The following SNTB1 variants were observed in gnomAD, a reference collection of about 807,000 sequenced individuals.
SNTB1 encodes beta-1-syntrophin.
A neutral mutation model predicts 48.9 loss-of-function variants in SNTB1; 36 were observed. That is an observed-to-expected ratio of 0.74 (90% CI 0.56 to 0.97). The LOEUF is 0.97. SNTB1 is among the 50% of genes least tolerant of loss of function. SNTB1 has a pLI of 0.00. For missense variants in SNTB1, 786 were observed against 703.4 expected (o/e 1.12, Z -1.33); for synonymous variants, 299 against 294.6 (o/e 1.01, Z -0.15).
At chr8:120,663,572 G>T (rs1817626455) in intron 2 of SNTB1, among the ~76,000 whole-genome samples, 1 of 152,152 alleles carries the variant, frequency 6.6e-6, no homozygotes, top group Admixed American at 6.5e-5. Context: ...CTCCCAAAGT[G>T]CTGGGATTAC....
intron 1 of SNTB1, among the ~76,000 whole-genome samples, chr8:120,738,719 A>G (rs969712678): frequency 3.9e-5 from 6 of 152,202 alleles, no homozygotes; most frequent in Non-Finnish European, 7.3e-5. Context: ...AAATGCACAT[A>G]AAAGTCCTAT....
At chr8:120,778,208 C>G (rs978353103) in intron 1 of SNTB1, among the ~76,000 whole-genome samples, 2 of 152,226 alleles carry the variant, frequency 1.3e-5, no homozygotes, top group African/African-American at 4.8e-5. Context: ...TGTCTCCTTC[C>G]TGTTCCCAGG....
intron 4 of SNTB1, among the ~76,000 whole-genome samples, chr8:120,573,612 AGGCCAAT>A (rs1815893763): frequency 6.6e-6 from 1 of 152,182 alleles, no homozygotes; most frequent in Admixed American, 6.5e-5. Flanking sequence ...ATCATTGCCA[AGGCCAAT>A]GTCAAGAATA....
intron 2 of SNTB1, among the ~76,000 whole-genome samples, chr8:120,687,463 G>C (rs576572826): frequency 6.6e-6 from 1 of 152,162 alleles, no homozygotes; most frequent in Non-Finnish European, 1.5e-5. Context: ...TCAAAGGAGT[G>C]GGAGTGTTGG....
chr8:120,721,090 CAGT>C (rs1222475823), intron 1 of SNTB1, among the ~76,000 whole-genome samples: 1 of 152,150 alleles, frequency 6.6e-6, no homozygotes, highest in Non-Finnish European at 1.5e-5. Context: ...AAAGCTAAAT[CAGT>C]GATTTCCTAG....
intron 1 of SNTB1, among the ~76,000 whole-genome samples, chr8:120,742,426 A>G (rs956818218): frequency 2.6e-5 from 4 of 152,232 alleles, no homozygotes; most frequent in Non-Finnish European, 5.9e-5. Flanking sequence ...GATGTAAGCA[A>G]CTGAAAGCAT....
chr8:120,645,122 A>G (rs1189937798), intron 2 of SNTB1, among the ~76,000 whole-genome samples: 1 of 150,194 alleles, frequency 6.7e-6, no homozygotes, highest in Non-Finnish European at 1.5e-5. Flanking sequence ...TTGCCTGTTC[A>G]CTCTGATGGT....
intron 1 of SNTB1, among the ~76,000 whole-genome samples, chr8:120,706,273 C>G (rs1159920103): frequency 6.6e-6 from 1 of 152,086 alleles, no homozygotes; most frequent in Non-Finnish European, 1.5e-5. Flanking sequence ...TCATTCATTT[C>G]TTGCGCATAA....
chr8:120,786,594 AG>A (rs1377515711), intron 1 of SNTB1, among the ~76,000 whole-genome samples: 8 of 152,130 alleles, frequency 5.3e-5, no homozygotes, highest in Non-Finnish European at 7.4e-5. Flanking sequence ...CTTGCATGAG[AG>A]GTAGAGTCAC....
chr8:120,805,172 C>G (rs1325996311), intron 1 of SNTB1, among the ~76,000 whole-genome samples: 1 of 152,146 alleles, frequency 6.6e-6, no homozygotes, highest in Admixed American at 6.5e-5. Flanking sequence ...CTACCCAGGA[C>G]ATTTCTTACC....
rs189245285 is a variant in SNTB1, at chr8:120,703,945, C to G, written c.572-10037G>C. ...TACCTTATAAGAAAGAAAATTGTGG[C>G]ATGGAGAACTGAAGTGACTTGCCCA... On this transcript the variant is annotated intron_variant, in intron 1 of 6. Coordinates refer to ENST00000517992, the MANE Select transcript of SNTB1 (RefSeq NM_021021.4). 3.8e-3 allele frequency among the ~76,000 whole-genome samples: 580 copies of G among 152,314 alleles called. 2 individuals carry two copies. Among genetic ancestry groups the G allele is most frequent in the Admixed American group, 5.2e-3 (80 of 15,306 alleles).
chr8:120,771,595 C>T (rs1819635252), intron 1 of SNTB1, among the ~76,000 whole-genome samples: 6 of 152,014 alleles, frequency 3.9e-5, no homozygotes, highest in Admixed American at 3.9e-4. Context: ...TGGTTTCTGT[C>T]TTCTCCCTAA....
chr8:120,739,402 A>AATGGC, intron 1 of SNTB1, among the ~76,000 whole-genome samples: 2 of 152,316 alleles, frequency 1.3e-5, no homozygotes, highest in East Asian at 3.9e-4. Context: ...GTTCTCAGAC[A>AATGGC]ATGGCATTCA....
At chr8:120,566,856 T>C (rs1005359518) in intron 4 of SNTB1, among the ~76,000 whole-genome samples, 1 of 152,186 alleles carries the variant, frequency 6.6e-6, no homozygotes, top group African/African-American at 2.4e-5. Context: ...TTTGCATGAT[T>C]AGGGGTAACA....
intron 1 of SNTB1, among the ~76,000 whole-genome samples, chr8:120,791,348 GAAGGAAAACT>G (rs1224670432): frequency 1.3e-5 from 2 of 151,922 alleles, no homozygotes; most frequent in South Asian, 2.1e-4. Flanking sequence ...AATAATTCTA[GAAGGAAAACT>G]AAGGAAAACT....
rs956851118 is a variant in SNTB1 at position 120,571,280 on chromosome 8, G to A, written c.1136+3806C>T. 19 of 1,285,742 alleles carry A rather than the reference G, an allele frequency of 1.5e-5. No individual in the cohort carries two copies. In the African/African-American group the frequency reaches 2.7e-4, roughly 19 times the overall value. The allele number at this position is 1,285,742 out of a possible 1,614,324, so 79.6% of individuals were successfully genotyped here. On this transcript the variant is annotated intron_variant, in intron 4 of 6. Transcript: ENST00000517992. ...GTCCAACTTTGCTTCTTAGTAACTGGAATCCAGTGACTGTGGTCTAATCTT... is the reference window on the plus strand; with the variant it reads ...GTCCAACTTTGCTTCTTAGTAACTGAAATCCAGTGACTGTGGTCTAATCTT...
intron 1 of SNTB1, among the ~76,000 whole-genome samples, chr8:120,734,393 G>GC (rs1411848058): frequency 1.3e-5 from 2 of 149,608 alleles, no homozygotes; most frequent in African/African-American, 5.0e-5. Flanking sequence ...GTTGCAGTGA[G>GC]CCAAGATTGC....
intron 1 of SNTB1, among the ~76,000 whole-genome samples, chr8:120,772,941 A>G (rs1819665200): frequency 6.6e-6 from 1 of 152,186 alleles, no homozygotes; most frequent in Non-Finnish European, 1.5e-5. Context: ...CAAGTGTGCT[A>G]CTGTTGGTGG....
intron 3 of SNTB1, among the ~76,000 whole-genome samples, chr8:120,622,364 A>T (rs1469953376): frequency 5.9e-5 from 9 of 152,194 alleles, no homozygotes; most frequent in Non-Finnish European, 1.0e-4. Flanking sequence ...ACACTGACTG[A>T]CTTGCTAAAC....
Sources: gnomAD v4.1 joint callset for allele counts (sites outside exome capture counted in the v4.1 genomes callset) on GRCh38, gnomAD v4.1.1 for gene constraint, MANE v1.5 for transcripts, NCBI Gene and HGNC (gene_info 2026-07-23, HGNC 2026-07-21) for gene names.